Variants in SH3PXD2A observed in about 807,000 individuals in gnomAD.
SH3PXD2A encodes the protein SH3 and PX domain-containing protein 2A.
Under a neutral mutation model 115.2 loss-of-function variants are expected in SH3PXD2A, and 32 were observed. That is an observed-to-expected ratio of 0.28 (90% CI 0.21 to 0.37). The LOEUF is 0.37. Among genes scored for constraint, SH3PXD2A ranks in the 10% least tolerant of loss-of-function variants. The pLI is 1.00. For missense variants in SH3PXD2A, 1,328 were observed against 1,498.7 expected, an observed-to-expected ratio of 0.89 and a Z score of 1.88; for synonymous variants, 610 against 629.1, an observed-to-expected ratio of 0.97 and a Z score of 0.45.
At chr10:103,681,716 C>T (rs528300747) in intron 6 of SH3PXD2A, among the ~76,000 whole-genome samples, 154 of 152,032 alleles carry the variant, frequency 1.0e-3, no homozygotes, top group Non-Finnish European at 1.9e-3. Flanking sequence ...CACACTCCAG[C>T]CTGGGTGACA....
intron 5 of SH3PXD2A, among the ~76,000 whole-genome samples, chr10:103,715,022 G>C (rs970958584): frequency 6.6e-6 from 1 of 152,222 alleles, no homozygotes; most frequent in Admixed American, 6.5e-5. Flanking sequence ...TCCCAGAGCA[G>C]AGAGGGATGC....
intron 7 of SH3PXD2A, among the ~76,000 whole-genome samples, chr10:103,664,150 C>G (rs4918040): frequency 6.6e-6 from 1 of 151,954 alleles, no homozygotes; most frequent in Non-Finnish European, 1.5e-5. Flanking sequence ...ACTTCTTAAG[C>G]GCACCCGGCA....
At chr10:103,728,307 G>A (rs954384568) in intron 4 of SH3PXD2A, among the ~76,000 whole-genome samples, 1 of 152,214 alleles carries the variant, frequency 6.6e-6, no homozygotes, top group African/African-American at 2.4e-5. Flanking sequence ...GAGCACAGTG[G>A]CTGGTGAAGA....
intron 1 of SH3PXD2A, among the ~76,000 whole-genome samples, chr10:103,844,779 C>T (rs542128104): frequency 2.6e-5 from 4 of 152,160 alleles, no homozygotes; most frequent in Non-Finnish European, 5.9e-5. Context: ...AAAATGCATA[C>T]CTTCATGGCC....
chr10:103,605,335 G>C (rs1199557686), intron 14 of SH3PXD2A, among the ~76,000 whole-genome samples: 1 of 152,192 alleles, frequency 6.6e-6, no homozygotes, highest in East Asian at 1.9e-4. Context: ...CTGGCCCTGA[G>C]ATGTTCCTGG....
At chr10:103,728,438 T>C (rs895215768) in intron 4 of SH3PXD2A, among the ~76,000 whole-genome samples, 3 of 152,248 alleles carry the variant, frequency 2.0e-5, no homozygotes, top group Admixed American at 6.5e-5. Context: ...GAGTCAATTC[T>C]AGTTCCAGTT....
chr10:103,634,186 T>C (rs186976614), intron 8 of SH3PXD2A, among the ~76,000 whole-genome samples: 110 of 152,284 alleles, frequency 7.2e-4, no homozygotes, highest in Middle Eastern at 3.4e-3. Context: ...GAGCAGGACT[T>C]ACATGGAAGG....
rs1254583529 is a variant in SH3PXD2A, at chr10:103,620,050, C to T, written c.802+2420G>A. Among the ~76,000 whole-genome samples, 1 of 152,204 alleles carries T rather than the reference C, an allele frequency of 6.6e-6. No homozygotes were observed. Among genetic ancestry groups the T allele is most frequent in the African/African-American group, 2.4e-5 (1 of 41,450 alleles). ...TCACAGGTGTCCCAAGGAAGAGAGA[C>T]TTGCCTGGGCCACAAACCCCATCTG... On this transcript the variant is annotated intron_variant, in intron 10 of 14. Transcript: ENST00000369774. The surrounding 1 kb of genome is among the most constrained non-coding windows in gnomAD (Gnocchi z 5.3).
intron 1 of SH3PXD2A, among the ~76,000 whole-genome samples, chr10:103,850,491 G>A (rs562855668): frequency 9.8e-5 from 15 of 152,302 alleles, no homozygotes; most frequent in African/African-American, 3.6e-4. Flanking sequence ...GGGACAGAGA[G>A]AGCAGGCAAG....
chr10:103,801,906 G>A lies in SH3PXD2A; in HGVS notation c.73-544C>T, dbSNP rs187930868. ...TTTAGTAGAGACGGGGTTTCGCCAT[G>A]TTGGCCAGGCTGGTCTCGAACTCCT... On this transcript the variant is annotated intron_variant, in intron 1 of 14. Coordinates refer to ENST00000369774, the MANE Select transcript of SH3PXD2A (RefSeq NM_001394015.1). 1.2e-3 allele frequency among the ~76,000 whole-genome samples: 188 copies of A among 152,300 alleles called. 1 individual carries two copies. In the Middle Eastern group the frequency reaches 0.014, roughly 11 times the overall value.
At chr10:103,749,454 G>A (rs1006348107) in intron 3 of SH3PXD2A, among the ~76,000 whole-genome samples, 6 of 152,186 alleles carry the variant, frequency 3.9e-5, no homozygotes, top group East Asian at 1.9e-4. Flanking sequence ...CCTAGCAAAC[G>A]TAGCCTATAA....
chr10:103,701,626 TCCAC>T (rs2037907668), intron 5 of SH3PXD2A, among the ~76,000 whole-genome samples: 1 of 142,034 alleles, frequency 7.0e-6, no homozygotes, highest in South Asian at 2.4e-4. Flanking sequence ...CATCCATCCA[TCCAC>T]CATCCATCCA....
intron 6 of SH3PXD2A, among the ~76,000 whole-genome samples, chr10:103,691,149 A>G (rs1457699855): frequency 6.6e-6 from 1 of 152,058 alleles, no homozygotes; most frequent in Non-Finnish European, 1.5e-5. Flanking sequence ...ATAGAGAAGG[A>G]ATTTGCCCAA....
At chr10:103,828,981 A>C (rs1264463186) in intron 1 of SH3PXD2A, among the ~76,000 whole-genome samples, 1 of 152,122 alleles carries the variant, frequency 6.6e-6, no homozygotes, top group Non-Finnish European at 1.5e-5. Context: ...GTTGCAGCTC[A>C]AGCTGTCTTG....
At chr10:103,838,998 A>G (rs779095766) in intron 1 of SH3PXD2A, among the ~76,000 whole-genome samples, 3 of 152,166 alleles carry the variant, frequency 2.0e-5, no homozygotes, top group Non-Finnish European at 4.4e-5. Context: ...CAGAACATCA[A>G]CATACATACA....
intron 8 of SH3PXD2A, among the ~76,000 whole-genome samples, chr10:103,657,863 C>G (rs1442437718): frequency 3.3e-5 from 5 of 152,228 alleles, no homozygotes; most frequent in Non-Finnish European, 7.3e-5. Context: ...TCTCACCCAG[C>G]CTGCATCTCG....
chr10:103,675,421 A>C (rs2037520104), intron 6 of SH3PXD2A, among the ~76,000 whole-genome samples: 1 of 152,160 alleles, frequency 6.6e-6, no homozygotes, highest in Non-Finnish European at 1.5e-5. Context: ...TTTCTGATGG[A>C]TATCTTCTTA....
At position 103,668,641 on chromosome 10, in the gene SH3PXD2A, T is replaced by C. The variant is rs913500077; in HGVS notation, c.439A>G (p.Ser147Gly). The C allele has an allele frequency of 6.4e-7, 1 of 1,559,954 alleles. No individual in the cohort carries two copies. The highest frequency in any genetic ancestry group is 1.2e-5 in the South Asian group (1 of 84,588). Residue 147 changes from serine (S) to glycine (G), a missense_variant, in exon 7 of 15, where the codon AGC becomes GGC. By Grantham distance (56) the Ser-to-Gly change is moderately conservative. Coordinates refer to ENST00000369774, the MANE Select transcript of SH3PXD2A (RefSeq NM_001394015.1). ...TCCTTCTTGGGCGACTCAGCCCAGC[T>C]GGACAGCCACACTTCCGAGTCCCCG... ...SSKRKSVWLS[S>G]WAESPKKDVT...
At chr10:103,656,141 A>G (rs192449440) in intron 8 of SH3PXD2A, among the ~76,000 whole-genome samples, 1 of 152,328 alleles carries the variant, frequency 6.6e-6, no homozygotes, top group East Asian at 1.9e-4. Flanking sequence ...CACCACATGC[A>G]CAGGTACTGA....
Sources: gnomAD v4.1 joint callset for allele counts (sites outside exome capture counted in the v4.1 genomes callset) on GRCh38, gnomAD v4.1.1 for gene constraint, Gnocchi (gnomAD v3.1) non-coding constraint, MANE v1.5 for transcripts, NCBI Gene and HGNC (gene_info 2026-07-23, HGNC 2026-07-21) for gene names.